The following BAIAP2 variants were observed in gnomAD, a reference collection of about 807,000 sequenced individuals.
BAIAP2 encodes the protein BAR/IMD domain containing adaptor protein 2, also known as BAR/IMD domain-containing adapter protein 2.
A neutral mutation model predicts 63.0 loss-of-function variants in BAIAP2; 18 were observed. The ratio of observed to expected loss-of-function variants is 0.29; its 90% CI spans 0.20 to 0.42. The LOEUF (loss-of-function observed/expected upper bound fraction) is 0.42. Among genes scored for constraint, BAIAP2 ranks in the 10% least tolerant of loss-of-function variants. The probability of loss-of-function intolerance (pLI) is 1.00; values close to 1 mark genes in which losing one functional copy is unlikely to be tolerated. For synonymous variants in BAIAP2, 386 were observed against 307.6 expected (o/e 1.25, Z -2.67); for missense variants, 610 against 734.3 (o/e 0.83, Z 1.96).
chr17:81,037,805 T>G (rs1812280542), intron 1 of BAIAP2, among the ~76,000 whole-genome samples: 1 of 152,214 alleles, frequency 6.6e-6, no homozygotes, highest in South Asian at 2.1e-4. Flanking sequence ...CAGTTCTGAG[T>G]GGTGTTTGCC....
chr17:81,042,483 A>G (rs2143601974), intron 1 of BAIAP2, among the ~76,000 whole-genome samples: 1 of 152,122 alleles, frequency 6.6e-6, no homozygotes, highest in Non-Finnish European at 1.5e-5. Context: ...GTTTTCAGAC[A>G]ACGGCCAGGC....
intron 2 of BAIAP2, among the ~76,000 whole-genome samples, chr17:81,055,068 C>T (rs559976212): frequency 4.1e-4 from 62 of 152,158 alleles, no homozygotes; most frequent in East Asian, 3.9e-4. Context: ...GCGTCTCTGC[C>T]GGCGCCCCCG....
intron 3 of BAIAP2, among the ~76,000 whole-genome samples, chr17:81,074,981 C>G (rs1301510533): frequency 6.6e-6 from 1 of 152,250 alleles, no homozygotes; most frequent in Non-Finnish European, 1.5e-5. Context: ...GTTCTGTTTT[C>G]TAAACCACAG....
rs115220652 is a variant in BAIAP2, at chr17:81,038,919, G to A, written c.54+3611G>A. On this transcript the variant is annotated intron_variant, in intron 1 of 13. Coordinates refer to ENST00000428708, the MANE Select transcript of BAIAP2 (RefSeq NM_001144888.2). ...CCTGGGTGGGGGGGGCAGCAGACCC[G>A]GCACCTGAGGAGGAGAGAAATCACA... Among the ~76,000 whole-genome samples, 519 of 152,088 alleles carry A rather than the reference G, an allele frequency of 3.4e-3. 4 individuals are homozygous for A. Among genetic ancestry groups the A allele is most frequent in the African/African-American group, 0.012 (494 of 41,438 alleles).
At chr17:81,109,675 A>C in intron 13 of BAIAP2, 1 of 985,234 alleles carries the variant, frequency 1.0e-6, no homozygotes, top group African/African-American at 1.7e-5. Flanking sequence ...CCCTCTGGAC[A>C]CTGCGGGCCA....
rs946726363 is a variant in BAIAP2 at position 81,106,841 on chromosome 17, C to T, written c.1434C>T (p.Phe478=). 2.5e-6 allele frequency: 4 copies of T among 1,610,256 alleles called. No homozygotes were observed. The South Asian group carries it at 3.3e-5, about 13-fold the overall frequency. Residue 478 remains phenylalanine (F), a synonymous_variant, in exon 12 of 14, where the codon TTC becomes TTT. Coordinates refer to ENST00000428708, the MANE Select transcript of BAIAP2 (RefSeq NM_001144888.2). Reference sequence around the variant, plus strand: ...ATTACGGCGCCGCCTCCCGGGCCTTCCCCGCCCAGACGGCCAGCGGCTTCA... The same window carrying T: ...ATTACGGCGCCGCCTCCCGGGCCTTTCCCGCCCAGACGGCCAGCGGCTTCA... The part of the protein sequence containing the change: ...PPDYGAASRA[F]PAQTASGFKQ...
rs755759338 is a variant in BAIAP2, at chr17:81,053,643, C to T, written c.55-25C>T. On this transcript the variant is annotated intron_variant, in intron 1 of 13. Coordinates refer to ENST00000428708, the MANE Select transcript of BAIAP2 (RefSeq NM_001144888.2). ...ACCAGGGTGACCTCTGCCAGTAATG[C>T]TGTTTCTTCTCTGCTTTCTTCCAGA... 41 of 1,613,448 alleles carry T rather than the reference C, an allele frequency of 2.5e-5. No homozygotes were observed. In the South Asian group the frequency reaches 4.5e-4, roughly 18 times the overall value.
chr17:81,052,370 C>T (rs1273273956), intron 1 of BAIAP2, among the ~76,000 whole-genome samples: 2 of 152,252 alleles, frequency 1.3e-5, no homozygotes, highest in African/African-American at 4.8e-5. Context: ...CATCCCCCAC[C>T]CCCGTGCACG....
chr17:81,070,248 C>T (rs577274789), intron 3 of BAIAP2, among the ~76,000 whole-genome samples: 7 of 152,286 alleles, frequency 4.6e-5, no homozygotes, highest in South Asian at 4.1e-4. Flanking sequence ...CGCGAGCCAC[C>T]GTGCCTGGCC....
In BAIAP2 at chr17:81,057,972, G is replaced by GCCCC; in HGVS notation, c.217+5_217+6insCCCC. 3 of 911,326 alleles carry GCCCC rather than the reference G, an allele frequency of 3.3e-6. No individual in the cohort carries two copies. The highest frequency in any genetic ancestry group is 3.0e-6 in the Non-Finnish European group (2 of 674,552). 56.5% of individuals were successfully genotyped at this position (911,326 alleles called of 1,614,324 possible). On this transcript the variant is annotated splice_donor_region_variant and intron_variant, in intron 3 of 13. Transcript: ENST00000428708. ...GCCAGGGCTCCAAAGAACTCGGTGA[G>GCCCC]ACCCCCCCCCCCCCCCCGCCTGGTA...
At chr17:81,041,654 A>C (rs1333050171) in intron 1 of BAIAP2, among the ~76,000 whole-genome samples, 2 of 151,986 alleles carry the variant, frequency 1.3e-5, no homozygotes, top group East Asian at 3.9e-4. Context: ...GGCTCACTGC[A>C]ACCTCCGCCT....
chr17:81,106,171 G>T, intron 11 of BAIAP2, 25 bp downstream of exon 11: 1 of 1,562,914 alleles, frequency 6.4e-7, no homozygotes, highest in East Asian at 2.4e-5. Flanking sequence ...CAACGGGAGT[G>T]TAAGATCCCC....
At chr17:81,109,395 A>C (rs2059617465) in intron 13 of BAIAP2, 6 of 808,024 alleles carry the variant, frequency 7.4e-6, no homozygotes, top group Non-Finnish European at 8.8e-6. Flanking sequence ...AAAAAAAAAA[A>C]GAAAAAAAGA....
At chr17:81,035,558 T>A (rs1294493263) in intron 1 of BAIAP2, among the ~76,000 whole-genome samples, 1 of 148,962 alleles carries the variant, frequency 6.7e-6, no homozygotes, top group Non-Finnish European at 1.5e-5. Context: ...GCCCGGTCAG[T>A]CCCCAGCCCC....
At chr17:81,090,567 C>T (rs9916698) in intron 6 of BAIAP2, among the ~76,000 whole-genome samples, 3,379 of 152,332 alleles carry the variant, frequency 0.022, 125 homozygotes, top group African/African-American at 0.075. Flanking sequence ...TAAGTGGTTT[C>T]GAAACAACAT....
rs901197220 is a variant in BAIAP2 at position 81,108,220 on chromosome 17, C to G, written c.1501-255C>G. On this transcript the variant is annotated intron_variant, in intron 12 of 13. Coordinates refer to ENST00000428708, the MANE Select transcript of BAIAP2 (RefSeq NM_001144888.2). ...CTTGCATCTGTTTGGGAGTGTGCAA[C>G]AAGCACACAAATTGAGGTGGCCGCT... 7 of 584,846 alleles carry G rather than the reference C, an allele frequency of 1.2e-5. 1 individual carries two copies. Among genetic ancestry groups the G allele is most frequent in the South Asian group, 6.1e-5 (3 of 49,104 alleles). 36.2% of individuals were successfully genotyped at this position (584,846 alleles called of 1,614,324 possible).
At chr17:81,053,639 A>T (rs747818957) in intron 1 of BAIAP2, 29 bp from the exon 2 acceptor site, 1 of 1,613,194 alleles carries the variant, frequency 6.2e-7, no homozygotes, top group South Asian at 1.1e-5. Context: ...CTCTGCCAGT[A>T]ATGCTGTTTC....
chr17:81,088,989 GC>G (rs1352722995), intron 6 of BAIAP2, among the ~76,000 whole-genome samples: 1 of 152,248 alleles, frequency 6.6e-6, no homozygotes, highest in African/African-American at 2.4e-5. Flanking sequence ...GTTTTCAGGT[GC>G]CCTGCCTCCC....
intron 1 of BAIAP2, among the ~76,000 whole-genome samples, chr17:81,050,244 C>T (rs975640877): frequency 1.3e-5 from 2 of 152,210 alleles, no homozygotes; most frequent in African/African-American, 2.4e-5. Context: ...TCAGTGGGAT[C>T]GATGCCTCTG....
Sources: gnomAD v4.1 joint callset for allele counts (sites outside exome capture counted in the v4.1 genomes callset) on GRCh38, gnomAD v4.1.1 for gene constraint, MANE v1.5 for transcripts, NCBI Gene and HGNC (gene_info 2026-07-23, HGNC 2026-07-21) for gene names.